The following PECR variants were observed in gnomAD, a reference collection of about 807,000 sequenced individuals.
PECR encodes peroxisomal trans-2-enoyl-CoA reductase, also known as 2,4-dienoyl-CoA reductase-related protein.
PECR carries 30 observed loss-of-function variants against 35.3 expected under a neutral mutation model. The ratio of observed to expected loss-of-function variants is 0.85; its 90% CI spans 0.64 to 1.15. The LOEUF is 1.15. Ranked by LOEUF, PECR falls within the 50% of genes most tolerant of loss-of-function variation. The probability of loss-of-function intolerance (pLI) is 0.00; values close to 1 mark genes in which losing one functional copy is unlikely to be tolerated. For missense variants in PECR, 392 were observed against 370.8 expected, an observed-to-expected ratio of 1.06 and a Z score of -0.47; for synonymous variants, 148 against 138.9, an observed-to-expected ratio of 1.07 and a Z score of -0.46.
At chr2:216,032,417 T>G (rs1694723731) in intron 7 of PECR, among the ~76,000 whole-genome samples, 2 of 152,218 alleles carry the variant, frequency 1.3e-5, no homozygotes, top group South Asian at 4.1e-4. Context: ...ATAGAATAAT[T>G]GGATGACATT....
At chr2:216,067,476 G>A (rs1695490482) in intron 1 of PECR, among the ~76,000 whole-genome samples, 2 of 152,118 alleles carry the variant, frequency 1.3e-5, no homozygotes, top group Admixed American at 6.5e-5. Flanking sequence ...CTCAGATCAA[G>A]CCTCTTTTAG....
At chr2:216,042,943 G>GTA (rs1207084015) in intron 7 of PECR, among the ~76,000 whole-genome samples, 6 of 135,338 alleles carry the variant, frequency 4.4e-5, no homozygotes, top group South Asian at 2.3e-4. Context: ...ATATACATAC[G>GTA]TATATGTGTA....
chr2:216,041,203 AG>A (rs201037340), intron 7 of PECR, among the ~76,000 whole-genome samples: 1,875 of 152,318 alleles, frequency 0.012, 32 homozygotes, highest in African/African-American at 0.043. Context: ...GAATTACAAA[AG>A]AAAATCATGT....
intron 1 of PECR, among the ~76,000 whole-genome samples, chr2:216,079,548 A>C (rs1246984855): frequency 6.6e-6 from 1 of 151,564 alleles, no homozygotes; most frequent in Non-Finnish European, 1.5e-5. Context: ...TTGTATTCTT[A>C]GTAGAGACGA....
chr2:216,064,964 T>A (rs1695434922), intron 3 of PECR, among the ~76,000 whole-genome samples: 1 of 152,222 alleles, frequency 6.6e-6, no homozygotes, highest in African/African-American at 2.4e-5. Context: ...TCCCTGAATT[T>A]ATTAATTGGT....
At chr2:216,042,955 ATATATATACACATACGTATATGTG>A (rs1389634615) in intron 7 of PECR, among the ~76,000 whole-genome samples, 14 of 124,120 alleles carry the variant, frequency 1.1e-4, no homozygotes, top group African/African-American at 3.4e-4. Context: ...ATATGTGTAT[ATATATATACACATACGTATATGTG>A]TATATATATA....
chr2:216,075,749 T>G (rs1052082244), intron 1 of PECR, among the ~76,000 whole-genome samples: 7 of 152,312 alleles, frequency 4.6e-5, no homozygotes, highest in Admixed American at 3.9e-4. Context: ...CTTTCCATCT[T>G]CAACTCAGAA....
chr2:216,061,693 T>G (rs1695355786), intron 3 of PECR, among the ~76,000 whole-genome samples: 1 of 152,198 alleles, frequency 6.6e-6, no homozygotes, highest in Admixed American at 6.5e-5. Context: ...GTATGGATTT[T>G]TTTTAGAGTA....
chr2:216,058,312 C>T (rs979688540), intron 4 of PECR, among the ~76,000 whole-genome samples: 1 of 152,126 alleles, frequency 6.6e-6, no homozygotes, highest in Non-Finnish European at 1.5e-5. Context: ...TATTTTTATC[C>T]TATACATGTT....
chr2:216,034,503 CTG>C (rs1444835676), downstream of PECR, among the ~76,000 whole-genome samples: 2 of 152,146 alleles, frequency 1.3e-5, no homozygotes, highest in Non-Finnish European at 2.9e-5. Flanking sequence ...GTACTGCAGT[CTG>C]TGATATTTTT....
chr2:216,064,551 T>C (rs747624421), intron 3 of PECR, among the ~76,000 whole-genome samples: 19 of 152,198 alleles, frequency 1.2e-4, no homozygotes, highest in African/African-American at 3.9e-4. Flanking sequence ...AACTACCATA[T>C]AATCCTTACA....
intron 2 of PECR, among the ~76,000 whole-genome samples, chr2:216,065,708 C>T (rs1456148447): frequency 6.6e-5 from 10 of 152,126 alleles, no homozygotes; most frequent in South Asian, 4.1e-4. Context: ...GTAATTTTGA[C>T]GACAAGATAT....
intron 1 of PECR, among the ~76,000 whole-genome samples, chr2:216,072,040 T>C (rs1451362021): frequency 6.6e-6 from 1 of 152,198 alleles, no homozygotes; most frequent in Non-Finnish European, 1.5e-5. Flanking sequence ...CTTTTACATA[T>C]ATATTTTAAA....
chr2:216,065,004 T>TA (rs971896306), intron 3 of PECR, among the ~76,000 whole-genome samples: 1 of 152,226 alleles, frequency 6.6e-6, no homozygotes, highest in African/African-American at 2.4e-5. Context: ...GATTCATTCT[T>TA]AAAAACAGAG....
chr2:216,049,122 G>A, intron 6 of PECR, 141 bp downstream of exon 6: 1 of 724,544 alleles, frequency 1.4e-6, no homozygotes, highest in Non-Finnish European at 2.6e-6. Context: ...GAATATCCCT[G>A]ACAGCCAGAA....
At chr2:216,068,970 T>G (rs1695530879) in intron 1 of PECR, among the ~76,000 whole-genome samples, 1 of 152,144 alleles carries the variant, frequency 6.6e-6, no homozygotes, top group South Asian at 2.1e-4. Context: ...TTATAACATA[T>G]GTAGAAATAA....
intron 1 of PECR, 58 bp downstream of exon 1, chr2:216,081,560 T>A: frequency 1.2e-6 from 2 of 1,608,008 alleles, no homozygotes; most frequent in Non-Finnish European, 1.7e-6. Context: ...GGCTCCCGTC[T>A]CCAGGTTACC....
rs1177013915 is a variant in PECR, at chr2:216,059,052, T to C, written c.425-76A>G. 4 of 858,850 alleles carry C rather than the reference T, an allele frequency of 4.7e-6. No homozygotes were observed. The African/African-American group carries it at 6.7e-5, about 14-fold the overall frequency. The allele number at this position is 858,850 out of a possible 1,614,324, so 53.2% of individuals were successfully genotyped here. A position where few individuals can be genotyped will look rare whatever the true frequency, so the allele number is the denominator to read the frequency against. ...CTCCTGATACCTTGTTTCAGCACAC[T>C]GCCTGTTTGATATGTTTTACACGTC... is the stretch of plus-strand genomic sequence containing the variant. On this transcript the variant is annotated intron_variant, in intron 3 of 7. Transcript: ENST00000265322.
intron 7 of PECR, among the ~76,000 whole-genome samples, chr2:216,041,563 C>T (rs902828697): frequency 1.3e-5 from 2 of 152,202 alleles, no homozygotes; most frequent in Non-Finnish European, 2.9e-5. Context: ...CTCCCGCATA[C>T]AACTCCTAAT....
Sources: allele counts gnomAD v4.1 joint callset (sites outside exome capture counted in the v4.1 genomes callset), GRCh38; gene constraint gnomAD v4.1.1; transcripts MANE v1.5; gene names NCBI Gene and HGNC (gene_info 2026-07-23, HGNC 2026-07-21).